Variants in RTN4 observed in about 807,000 individuals in gnomAD.
RTN4 encodes the protein reticulon 4.
A neutral mutation model predicts 90.4 loss-of-function variants in RTN4; 32 were observed. That is an observed-to-expected ratio of 0.35 (90% confidence interval 0.27 to 0.48). The LOEUF is 0.48. Among genes scored for constraint, RTN4 ranks in the 20% least tolerant of loss-of-function variants. RTN4 has a pLI of 0.99. For synonymous variants in RTN4, 629 were observed against 552.5 expected, an observed-to-expected ratio of 1.14 and a Z score of -1.94; for missense variants, 1,706 against 1,430.2, an observed-to-expected ratio of 1.19 and a Z score of -3.11.
intron 3 of RTN4, among the ~76,000 whole-genome samples, chr2:54,997,968 A>G (rs1679563490): frequency 6.6e-6 from 1 of 152,200 alleles, no homozygotes; most frequent in Non-Finnish European, 1.5e-5. Flanking sequence ...TCTAGGGCAT[A>G]CGCTAGGGGT....
intron 1 of RTN4, among the ~76,000 whole-genome samples, chr2:55,089,159 G>A (rs1360275035): frequency 6.6e-6 from 1 of 152,068 alleles, no homozygotes; most frequent in Non-Finnish European, 1.5e-5. Context: ...CTGACCTAAG[G>A]AGTGCTGGGA....
chr2:55,135,294 G>A, the RTN4 span, among the ~76,000 whole-genome samples: 1 of 144,774 alleles, frequency 6.9e-6, no homozygotes, highest in African/African-American at 2.6e-5. Flanking sequence ...GGCAACCTCC[G>A]CCTCCCAGGC....
At chr2:55,093,415 T>TAC (rs1016059171) in intron 1 of RTN4, among the ~76,000 whole-genome samples, 9 of 149,004 alleles carry the variant, frequency 6.0e-5, no homozygotes, top group Non-Finnish European at 1.3e-4. Context: ...TATATATATA[T>TAC]AGAATAAATT....
chr2:55,036,288 G>A (rs1439551896), intron 1 of RTN4, among the ~76,000 whole-genome samples: 1 of 152,080 alleles, frequency 6.6e-6, no homozygotes, highest in Non-Finnish European at 1.5e-5. Flanking sequence ...CCAGGAAGGT[G>A]AGGTTGGTTT....
At chr2:55,045,617 G>A (rs573103264) in intron 1 of RTN4, among the ~76,000 whole-genome samples, 1 of 151,944 alleles carries the variant, frequency 6.6e-6, no homozygotes, top group Admixed American at 6.5e-5. Flanking sequence ...GCTCTAATTC[G>A]AGAAGGGGTG....
intron 2 of RTN4, among the ~76,000 whole-genome samples, chr2:55,076,256 T>A (rs888596806): frequency 2.6e-5 from 4 of 151,610 alleles, no homozygotes; most frequent in Admixed American, 6.6e-5. Context: ...AACAATCCCA[T>A]CAAAAAGTGG....
chr2:55,010,164 A>G, intron 3 of RTN4: 1 of 1,611,928 alleles, frequency 6.2e-7, no homozygotes, highest in Non-Finnish European at 8.5e-7. Flanking sequence ...TTAATTATGC[A>G]TACCAACAGA....
intron 2 of RTN4, among the ~76,000 whole-genome samples, chr2:55,071,525 A>T (rs1304827629): frequency 7.4e-6 from 1 of 135,532 alleles, no homozygotes; most frequent in Non-Finnish European, 1.5e-5. Flanking sequence ...CTGGTATAGG[A>T]GAGGCACCAT....
At chr2:55,051,498 G>A (rs548354237), upstream of RTN4, among the ~76,000 whole-genome samples, 3 of 152,322 alleles carry the variant, frequency 2.0e-5, no homozygotes, top group South Asian at 6.2e-4. Context: ...TTTAAAGAGA[G>A]TAGTTGCAGA....
intron 2 of RTN4, among the ~76,000 whole-genome samples, chr2:55,066,747 G>A (rs1668401636): frequency 1.3e-5 from 2 of 151,704 alleles, no homozygotes; most frequent in African/African-American, 4.8e-5. Flanking sequence ...ACTTTACAAG[G>A]CCTTATTAAT....
intron 1 of RTN4, among the ~76,000 whole-genome samples, chr2:55,092,545 A>AT (rs1160899109): frequency 2.6e-5 from 4 of 152,032 alleles, no homozygotes; most frequent in Non-Finnish European, 5.9e-5. Flanking sequence ...GAAGGAAGAG[A>AT]TTTTTTATCT....
chr2:55,118,246 C>T, the RTN4 span, among the ~76,000 whole-genome samples: 1 of 152,162 alleles, frequency 6.6e-6, no homozygotes, highest in East Asian at 1.9e-4. Context: ...TGAAGGATTG[C>T]TTGAGCCCAG....
chr2:55,072,564 G>T (rs1418730228), intron 2 of RTN4, among the ~76,000 whole-genome samples: 1 of 152,190 alleles, frequency 6.6e-6, no homozygotes, highest in African/African-American at 2.4e-5. Flanking sequence ...ATTCTTGGTT[G>T]TGAAGCTTCT....
intron 2 of RTN4, among the ~76,000 whole-genome samples, chr2:55,070,025 C>T (rs1297968783): frequency 1.3e-5 from 2 of 152,118 alleles, no homozygotes; most frequent in African/African-American, 2.4e-5. Context: ...CCAGTGGTTT[C>T]GATGGCAGAG....
At chr2:55,112,230 G>A (rs1162144087) in intron 1 of RTN4, among the ~76,000 whole-genome samples, 1 of 152,114 alleles carries the variant, frequency 6.6e-6, no homozygotes, top group Non-Finnish European at 1.5e-5. Flanking sequence ...TAAGAAGAAA[G>A]GTACCACTGA....
chr2:55,120,844 GCTCGGGT>G, the RTN4 span, among the ~76,000 whole-genome samples: 2 of 152,100 alleles, frequency 1.3e-5, no homozygotes, highest in South Asian at 4.1e-4. Context: ...ATTAAGAAAA[GCTCGGGT>G]CTCCGGCTTA....
intron 1 of RTN4, among the ~76,000 whole-genome samples, chr2:55,099,888 C>A (rs1205750296): frequency 6.6e-6 from 1 of 152,066 alleles, no homozygotes; most frequent in Non-Finnish European, 1.5e-5. Context: ...TAAGCATTGA[C>A]TATTATTATT....
the RTN4 span, among the ~76,000 whole-genome samples, chr2:55,129,001 G>A: frequency 7.9e-5 from 12 of 151,640 alleles, no homozygotes; most frequent in South Asian, 1.0e-3. Context: ...CCAGCTACTC[G>A]GGAGGCTGAG....
At chr2:55,061,018 C>G (rs939707093) in intron 2 of RTN4, among the ~76,000 whole-genome samples, 1 of 151,710 alleles carries the variant, frequency 6.6e-6, no homozygotes, top group Non-Finnish European at 1.5e-5. Context: ...TAACAGTCAT[C>G]ATGACATTCT....
Sources: gnomAD v4.1 joint callset for allele counts (sites outside exome capture counted in the v4.1 genomes callset) on GRCh38, gnomAD v4.1.1 for gene constraint, MANE v1.5 for transcripts, NCBI Gene and HGNC (gene_info 2026-07-23, HGNC 2026-07-21) for gene names.